NFIA: variants seen among roughly 807,000 people sequenced by gnomAD.
NFIA encodes nuclear factor I A, also known as nuclear factor 1 A-type.
NFIA carries 8 observed loss-of-function variants against 62.8 expected under a neutral mutation model. The observed-to-expected ratio is 0.13, with a 90% confidence interval of 0.07 to 0.23. NFIA has a LOEUF of 0.23. NFIA is among the 10% of genes least tolerant of loss of function. NFIA has a pLI of 1.00. For synonymous variants in NFIA, 235 were observed against 238.1 expected, an observed-to-expected ratio of 0.99 and a Z score of 0.12; for missense variants, 410 against 642.1, an observed-to-expected ratio of 0.64 and a Z score of 3.91.
At chr1:61,374,887 C>A (rs1664073798) in intron 6 of NFIA, among the ~76,000 whole-genome samples, 1 of 152,068 alleles carries the variant, frequency 6.6e-6, no homozygotes, top group Admixed American at 6.6e-5. Flanking sequence ...TCAAAATAGT[C>A]TATTTTACCT....
intron 3 of NFIA, among the ~76,000 whole-genome samples, chr1:61,286,264 TA>T (rs113974780): frequency 1.4e-3 from 196 of 143,106 alleles, no homozygotes; most frequent in Middle Eastern, 3.6e-3. Context: ...TGTCTCTACT[TA>T]AAAAAAAAAA....
chr1:61,453,679 TC>T (rs1668173911), intron 10 of NFIA, among the ~76,000 whole-genome samples: 1 of 152,096 alleles, frequency 6.6e-6, no homozygotes, highest in South Asian at 2.1e-4. Context: ...TAAGCATTAT[TC>T]CCCGCACCCA....
chr1:61,345,303 G>A (rs892357520), intron 4 of NFIA, among the ~76,000 whole-genome samples: 2 of 152,054 alleles, frequency 1.3e-5, no homozygotes, highest in African/African-American at 2.4e-5. Flanking sequence ...AGTTTAGAGG[G>A]GGCAAATAGG....
At chr1:61,377,807 A>T (rs539533872) in intron 6 of NFIA, among the ~76,000 whole-genome samples, 1 of 152,214 alleles carries the variant, frequency 6.6e-6, no homozygotes, top group Non-Finnish European at 1.5e-5. Flanking sequence ...TACCAGGGAT[A>T]CTTTTAACAG....
intron 2 of NFIA, among the ~76,000 whole-genome samples, chr1:61,135,599 G>T (rs761192236): frequency 1.3e-5 from 2 of 152,150 alleles, no homozygotes; most frequent in Non-Finnish European, 2.9e-5. Context: ...TAGACACAGG[G>T]TCTCCCTGTG....
chr1:61,267,158 C>T (rs921878885), intron 2 of NFIA, among the ~76,000 whole-genome samples: 1 of 152,152 alleles, frequency 6.6e-6, no homozygotes, highest in Non-Finnish European at 1.5e-5. Flanking sequence ...GAATAACATT[C>T]TGTACTATGT....
At chr1:61,226,689 TCAGA>T (rs1258942984) in intron 2 of NFIA, among the ~76,000 whole-genome samples, 2 of 152,210 alleles carry the variant, frequency 1.3e-5, no homozygotes, top group African/African-American at 2.4e-5. Context: ...GGATTTTACA[TCAGA>T]CAGATATTAT....
chr1:61,392,745 G>A (rs766895465), intron 7 of NFIA, among the ~76,000 whole-genome samples: 1 of 152,258 alleles, frequency 6.6e-6, no homozygotes, highest in Admixed American at 6.5e-5. Flanking sequence ...GGACAGGTTA[G>A]AGCAGTGAGA....
Position 61,455,572 on chromosome 1 carries a change from T to C in NFIA, c.*252T>C. The C allele has an allele frequency of 5.4e-6, 3 of 557,584 alleles. No homozygotes were observed. The highest frequency in any genetic ancestry group is 9.3e-6 in the Non-Finnish European group (3 of 323,782). The allele number at this position is 557,584 out of a possible 1,614,324, so 34.5% of individuals were successfully genotyped here. A position where few individuals can be genotyped will look rare whatever the true frequency, so the allele number is the denominator to read the frequency against. On this transcript the variant is annotated 3_prime_UTR_variant, in exon 11 of 11. Transcript: ENST00000403491. ...GTAATTTCTCATATGGTGCTGGAAA[T>C]GGTTGGGCTTTGTAACATTTGAAGT...
At chr1:61,402,045 T>TTTTC (rs1301827576) in intron 7 of NFIA, among the ~76,000 whole-genome samples, 5 of 142,484 alleles carry the variant, frequency 3.5e-5, no homozygotes, top group Admixed American at 2.8e-4. Flanking sequence ...TTTTTTTTTT[T>TTTTC]TTTTTTTTTT....
At chr1:61,259,663 C>T (rs958240376) in intron 2 of NFIA, among the ~76,000 whole-genome samples, 2 of 152,194 alleles carry the variant, frequency 1.3e-5, no homozygotes, top group African/African-American at 4.8e-5. Flanking sequence ...GAGATCTGTG[C>T]TGTATACATG....
intron 3 of NFIA, among the ~76,000 whole-genome samples, chr1:61,294,111 G>A (rs1284399954): frequency 6.6e-6 from 1 of 152,226 alleles, no homozygotes; most frequent in Non-Finnish European, 1.5e-5. Flanking sequence ...GTTTACTAGA[G>A]AAGTTTGATT....
chr1:61,274,504 A>G (rs1173952816), intron 2 of NFIA, among the ~76,000 whole-genome samples: 1 of 152,212 alleles, frequency 6.6e-6, no homozygotes, highest in Admixed American at 6.5e-5. Flanking sequence ...AAGCCAGAGA[A>G]ACTCACTGGT....
At chr1:61,142,729 C>T (rs918935391) in intron 2 of NFIA, among the ~76,000 whole-genome samples, 6 of 152,094 alleles carry the variant, frequency 3.9e-5, no homozygotes, top group South Asian at 2.1e-4. Flanking sequence ...GAAGTGTTTT[C>T]GGGAGGGAGG....
chr1:61,431,008 G>GT (rs1199330259), intron 10 of NFIA, among the ~76,000 whole-genome samples: 1 of 152,012 alleles, frequency 6.6e-6, no homozygotes, highest in Admixed American at 6.6e-5. Flanking sequence ...ACGTTGTCCC[G>GT]TGACAGCTGA....
intron 2 of NFIA, among the ~76,000 whole-genome samples, chr1:61,148,100 G>A (rs1648136929): frequency 6.6e-6 from 1 of 152,142 alleles, no homozygotes; most frequent in Admixed American, 6.5e-5. Flanking sequence ...TTGAGTAGTT[G>A]TGGTACAGGT....
chr1:61,447,550 G>C (rs1341630719), intron 10 of NFIA, among the ~76,000 whole-genome samples: 1 of 152,040 alleles, frequency 6.6e-6, no homozygotes, highest in East Asian at 1.9e-4. Flanking sequence ...CACTGTCTGG[G>C]CTCCACCCAG....
chr1:61,148,977 A>T (rs1045073665), intron 2 of NFIA, among the ~76,000 whole-genome samples: 3 of 151,938 alleles, frequency 2.0e-5, no homozygotes, highest in Admixed American at 2.0e-4. Context: ...GGCTTAAGGG[A>T]TCCTCCTGCC....
intron 2 of NFIA, among the ~76,000 whole-genome samples, chr1:61,151,538 G>A (rs1191660468): frequency 2.0e-5 from 3 of 152,248 alleles, no homozygotes; most frequent in African/African-American, 7.2e-5. Flanking sequence ...GAAGAAATCA[G>A]GGAAAAGGAG....
Sources: allele counts gnomAD v4.1 joint callset (sites outside exome capture counted in the v4.1 genomes callset), GRCh38; gene constraint gnomAD v4.1.1; transcripts MANE v1.5; gene names NCBI Gene and HGNC (gene_info 2026-07-23, HGNC 2026-07-21).